Variants in KSR2 observed in about 807,000 individuals in gnomAD.
KSR2 encodes the protein kinase suppressor of ras 2.
A neutral mutation model predicts 107.8 loss-of-function variants in KSR2; 25 were observed. That is an observed-to-expected ratio of 0.23 (90% CI 0.17 to 0.32). KSR2 has a LOEUF of 0.32. Ranked by LOEUF, KSR2 falls within the 10% of genes least tolerant of loss-of-function variation. The pLI, the probability that KSR2 is intolerant of heterozygous loss-of-function variation, is 1.00. For missense variants in KSR2, 887 were observed against 1,268.9 expected (o/e 0.70, Z 4.57); for synonymous variants, 480 against 507.0 (o/e 0.95, Z 0.71).
intron 3 of KSR2, among the ~76,000 whole-genome samples, chr12:117,826,247 T>C (rs1404426854): frequency 6.6e-6 from 1 of 152,148 alleles, no homozygotes; most frequent in Non-Finnish European, 1.5e-5. Context: ...TCAGCCACCA[T>C]CTGTCAAAGC....
At chr12:117,606,944 A>C (rs963912975) in intron 5 of KSR2, among the ~76,000 whole-genome samples, 1 of 152,130 alleles carries the variant, frequency 6.6e-6, no homozygotes, top group African/African-American at 2.4e-5. Flanking sequence ...GAGACCACTG[A>C]AAGATTCTCT....
At chr12:117,841,022 G>A (rs890326513) in intron 3 of KSR2, among the ~76,000 whole-genome samples, 7 of 150,934 alleles carry the variant, frequency 4.6e-5, no homozygotes, top group Admixed American at 1.3e-4. Context: ...AAATTGCTAA[G>A]TAACATACCA....
chr12:117,792,539 T>C (rs564745176), intron 3 of KSR2, among the ~76,000 whole-genome samples: 5 of 152,170 alleles, frequency 3.3e-5, no homozygotes, highest in Non-Finnish European at 5.9e-5. Context: ...ATGCAAAGTG[T>C]TCAGCACTGT....
At chr12:117,873,816 C>T (rs549840857) in intron 1 of KSR2, among the ~76,000 whole-genome samples, 22 of 152,252 alleles carry the variant, frequency 1.4e-4, no homozygotes, top group African/African-American at 5.3e-4. Flanking sequence ...ACACACCACC[C>T]CTGCCTTTAA....
At chr12:117,643,553 A>G (rs1883477601) in intron 5 of KSR2, among the ~76,000 whole-genome samples, 1 of 152,238 alleles carries the variant, frequency 6.6e-6, no homozygotes, top group African/African-American at 2.4e-5. Flanking sequence ...ATATGATCTT[A>G]AACTAAAAGT....
intron 7 of KSR2, among the ~76,000 whole-genome samples, chr12:117,561,234 T>C (rs2137360727): frequency 6.6e-6 from 1 of 152,310 alleles, no homozygotes; most frequent in Middle Eastern, 3.4e-3. Context: ...GACTTAGACA[T>C]TTTGGAATCT....
At chr12:117,622,544 G>A (rs1383106599) in intron 5 of KSR2, among the ~76,000 whole-genome samples, 1 of 151,982 alleles carries the variant, frequency 6.6e-6, no homozygotes, top group Non-Finnish European at 1.5e-5. Context: ...ACAAGGTCAA[G>A]CAGGATGTGC....
At chr12:117,570,202 C>T (rs535700464) in intron 7 of KSR2, among the ~76,000 whole-genome samples, 8 of 152,146 alleles carry the variant, frequency 5.3e-5, no homozygotes, top group Non-Finnish European at 1.0e-4. Context: ...CGGGGTTTCA[C>T]TGTGTTAGCC....
intron 4 of KSR2, among the ~76,000 whole-genome samples, chr12:117,740,366 T>C (rs1368649635): frequency 7.1e-6 from 1 of 140,742 alleles, no homozygotes; most frequent in African/African-American, 2.6e-5. Context: ...AGTATATATA[T>C]ATTAGATATG....
At chr12:117,887,442 G>A (rs1388269214) in intron 1 of KSR2, among the ~76,000 whole-genome samples, 1 of 152,144 alleles carries the variant, frequency 6.6e-6, no homozygotes, top group Admixed American at 6.6e-5. Context: ...ATCAGGCCAG[G>A]AGGGAGAGGT....
chr12:117,539,556 G>A (rs917605929), intron 10 of KSR2, 163 bp downstream of exon 10: 16 of 596,224 alleles, frequency 2.7e-5, no homozygotes, highest in Admixed American at 7.4e-5. Context: ...CTTAGGGTAC[G>A]ATAAGGGTCA....
intron 1 of KSR2, among the ~76,000 whole-genome samples, chr12:117,922,290 C>G (rs769709967): frequency 2.0e-5 from 3 of 152,064 alleles, no homozygotes; most frequent in Non-Finnish European, 4.4e-5. Flanking sequence ...AGAAATTCTC[C>G]CTAACTGGCT....
rs1437075337 is a variant in KSR2 at position 117,578,507 on chromosome 12, CA to C, written c.1325+611del. On this transcript the variant is annotated intron_variant, in intron 7 of 19. Coordinates refer to ENST00000339824, the MANE Select transcript of KSR2 (RefSeq NM_173598.6). ...GTCCCAGCTACTCAGGAGACTGAGG[CA>C]GGAGAATTGCTTGAACCCAGGAAGT... Among the ~76,000 whole-genome samples the C allele has an allele frequency of 4.0e-5, 6 of 148,862 alleles. No homozygotes were observed. The East Asian group carries it at 1.2e-3, about 30-fold the overall frequency.
chr12:117,610,364 AAAC>A (rs1881523915), intron 5 of KSR2, among the ~76,000 whole-genome samples: 1 of 152,194 alleles, frequency 6.6e-6, no homozygotes, highest in Non-Finnish European at 1.5e-5. Context: ...CCAAATCAGA[AAAC>A]AACCCAAATT....
At chr12:117,627,464 T>C (rs1212008225) in intron 5 of KSR2, among the ~76,000 whole-genome samples, 1 of 152,194 alleles carries the variant, frequency 6.6e-6, no homozygotes, top group East Asian at 1.9e-4. Context: ...TTATGAAGTC[T>C]AGTTTGGCTG....
chr12:117,935,009 G>A (rs1259811520), intron 1 of KSR2, among the ~76,000 whole-genome samples: 1 of 150,152 alleles, frequency 6.7e-6, no homozygotes, highest in African/African-American at 2.5e-5. Context: ...AAAATTTTTT[G>A]TAGAGACAGG....
At chr12:117,528,107 G>C (rs1167353608) in intron 12 of KSR2, among the ~76,000 whole-genome samples, 1 of 152,050 alleles carries the variant, frequency 6.6e-6, no homozygotes, top group East Asian at 1.9e-4. Flanking sequence ...AGGTATTATG[G>C]GATGTGCTTT....
rs142811998 is a variant in KSR2, at chr12:117,793,998, GCA to G, written c.473-32476_473-32475del. On this transcript the variant is annotated intron_variant, in intron 3 of 19. Transcript: ENST00000339824. Reference sequence around the variant, plus strand: ...ACACCATGCACACATACACCAACATGCACACACACCAACATGCACACTCACAC... The same window carrying G: ...ACACCATGCACACATACACCAACATGCACACACCAACATGCACACTCACAC... Among the ~76,000 whole-genome samples the G allele has an allele frequency of 1.1e-3, 86 of 80,808 alleles. 2 individuals are homozygous for G. The highest frequency in any genetic ancestry group is 0.017 in the Middle Eastern group (1 of 60). 53.0% of individuals were successfully genotyped at this position (80,808 alleles called of 152,430 possible). A position where few individuals can be genotyped will look rare whatever the true frequency, so the allele number is the denominator to read the frequency against.
At chr12:117,614,386 A>T (rs986634730) in intron 5 of KSR2, among the ~76,000 whole-genome samples, 3 of 152,190 alleles carry the variant, frequency 2.0e-5, no homozygotes, top group Non-Finnish European at 4.4e-5. Flanking sequence ...ATCTAGAGAA[A>T]GTTTATTCTA....
Sources: allele counts gnomAD v4.1 joint callset (sites outside exome capture counted in the v4.1 genomes callset), GRCh38; gene constraint gnomAD v4.1.1; transcripts MANE v1.5; gene names NCBI Gene and HGNC (gene_info 2026-07-23, HGNC 2026-07-21).